The following BRINP3 variants were observed in gnomAD, a reference collection of about 807,000 sequenced individuals.
BRINP3 encodes the protein BMP/retinoic acid-inducible neural-specific protein 3.
Under a neutral mutation model 71.0 loss-of-function variants are expected in BRINP3, and 19 were observed. The observed-to-expected ratio is 0.27, with a 90% CI of 0.19 to 0.39. BRINP3 has a LOEUF of 0.39. BRINP3 is among the 10% of genes least tolerant of loss of function. BRINP3 has a pLI of 1.00. For synonymous variants in BRINP3, 380 were observed against 337.7 expected, an observed-to-expected ratio of 1.13 and a Z score of -1.37; for missense variants, 959 against 940.8, an observed-to-expected ratio of 1.02 and a Z score of -0.25.
intron 2 of BRINP3, among the ~76,000 whole-genome samples, chr1:190,300,066 C>T (rs1664561463): frequency 6.6e-6 from 1 of 151,960 alleles, no homozygotes; most frequent in African/African-American, 2.4e-5. Context: ...TTGTGGCGTT[C>T]TCTGTATTTC....
At chr1:190,277,113 A>ATATATATATATATATTTATATT (rs746851050) in intron 3 of BRINP3, among the ~76,000 whole-genome samples, 1 of 107,486 alleles carries the variant, frequency 9.3e-6, no homozygotes, top group African/African-American at 3.4e-5. Flanking sequence ...ATATATATAT[A>ATATATATATATATATTTATATT]TATATTTATA....
chr1:190,179,387 C>T (rs1334730543), intron 6 of BRINP3, among the ~76,000 whole-genome samples: 1 of 152,020 alleles, frequency 6.6e-6, no homozygotes, highest in African/African-American at 2.4e-5. Context: ...TACTAGTAGG[C>T]AATTAACACT....
intron 6 of BRINP3, among the ~76,000 whole-genome samples, chr1:190,174,411 C>T (rs748180561): frequency 6.6e-5 from 10 of 151,862 alleles, no homozygotes; most frequent in East Asian, 1.9e-4. Flanking sequence ...TAGATCCATA[C>T]GTATATATAC....
Position 190,325,067 on chromosome 1 carries a change from A to G in BRINP3, c.237-43317T>C, listed in dbSNP as rs146793972. Reference sequence around the variant, plus strand: ...TATTAAAAACTAAATAATCGGCAGCATAGTAGGACAAATACAAGACAGTTA... The same window carrying G: ...TATTAAAAACTAAATAATCGGCAGCGTAGTAGGACAAATACAAGACAGTTA... On this transcript the variant is annotated intron_variant, in intron 2 of 7. Coordinates refer to ENST00000367462, the MANE Select transcript of BRINP3 (RefSeq NM_199051.3). 3.3e-4 allele frequency among the ~76,000 whole-genome samples: 50 copies of G among 152,090 alleles called. No homozygotes were observed. In the East Asian group the frequency reaches 7.0e-3, roughly 21 times the overall value.
intron 4 of BRINP3, among the ~76,000 whole-genome samples, chr1:190,254,892 T>C (rs1395301850): frequency 1.3e-5 from 2 of 152,198 alleles, no homozygotes; most frequent in African/African-American, 2.4e-5. Context: ...CCATTCAGTA[T>C]GATATTGTCT....
chr1:190,249,864 A>G (rs1659974124), intron 4 of BRINP3, among the ~76,000 whole-genome samples: 1 of 151,916 alleles, frequency 6.6e-6, no homozygotes, highest in Non-Finnish European at 1.5e-5. Context: ...CAAAACCTCT[A>G]AATTTAAAAG....
chr1:190,283,829 G>T (rs1431828285), intron 2 of BRINP3, among the ~76,000 whole-genome samples: 1 of 151,416 alleles, frequency 6.6e-6, no homozygotes, highest in Non-Finnish European at 1.5e-5. Flanking sequence ...AAAATTTATA[G>T]GCTTATGCTC....
chr1:190,355,011 C>T (rs187478892), intron 2 of BRINP3, among the ~76,000 whole-genome samples: 41 of 151,946 alleles, frequency 2.7e-4, no homozygotes, highest in Middle Eastern at 6.8e-3. Context: ...CCTAGTCTTT[C>T]TAAATTCTTC....
At chr1:190,358,708 A>T (rs1287441035) in intron 2 of BRINP3, among the ~76,000 whole-genome samples, 1 of 152,092 alleles carries the variant, frequency 6.6e-6, no homozygotes, top group Middle Eastern at 3.2e-3. Flanking sequence ...AAGACACATG[A>T]CACGTATGCT....
At chr1:190,312,534 C>T (rs1490788242) in intron 2 of BRINP3, among the ~76,000 whole-genome samples, 2 of 151,610 alleles carry the variant, frequency 1.3e-5, no homozygotes, top group Admixed American at 6.6e-5. Context: ...AGTTATATTA[C>T]AAGTTGTCTT....
chr1:190,323,715 C>T (rs922029635), intron 2 of BRINP3, among the ~76,000 whole-genome samples: 2 of 151,640 alleles, frequency 1.3e-5, no homozygotes, highest in African/African-American at 4.8e-5. Context: ...GCAAGACAAA[C>T]ATGACAAGCA....
chr1:190,366,601 C>T (rs756414833), intron 2 of BRINP3, among the ~76,000 whole-genome samples: 8 of 152,088 alleles, frequency 5.3e-5, no homozygotes, highest in Admixed American at 2.0e-4. Context: ...ACCATTAACT[C>T]GAAAGTCCTA....
At chr1:190,448,214 A>T (rs527258956) in intron 2 of BRINP3, among the ~76,000 whole-genome samples, 14 of 151,814 alleles carry the variant, frequency 9.2e-5, no homozygotes, top group African/African-American at 2.9e-4. Flanking sequence ...TTAAATTTGT[A>T]TTCTTAATAT....
At chr1:190,320,686 C>A (rs976066888) in intron 2 of BRINP3, among the ~76,000 whole-genome samples, 1 of 151,974 alleles carries the variant, frequency 6.6e-6, no homozygotes, top group East Asian at 1.9e-4. Flanking sequence ...AACACACACA[C>A]ACACACTCAC....
At chr1:190,141,697 T>G (rs1655463987) in intron 7 of BRINP3, among the ~76,000 whole-genome samples, 1 of 151,038 alleles carries the variant, frequency 6.6e-6, no homozygotes, top group Non-Finnish European at 1.5e-5. Flanking sequence ...AGTAGCTGGG[T>G]TACAGGCGTG....
intron 2 of BRINP3, among the ~76,000 whole-genome samples, chr1:190,301,217 A>G (rs1255537847): frequency 3.9e-4 from 28 of 71,786 alleles, no homozygotes; most frequent in Non-Finnish European, 1.9e-4. Context: ...ATATATATAT[A>G]TATATATATA....
At chr1:190,203,441 ATG>A (rs1219429142) in intron 6 of BRINP3, among the ~76,000 whole-genome samples, 4 of 142,952 alleles carry the variant, frequency 2.8e-5, no homozygotes, top group Admixed American at 1.4e-4. Flanking sequence ...ATATATATGT[ATG>A]TGTGTGTGTA....
chr1:190,285,710 AG>A (rs1055294749), intron 2 of BRINP3, among the ~76,000 whole-genome samples: 2 of 151,942 alleles, frequency 1.3e-5, no homozygotes, highest in African/African-American at 2.4e-5. Context: ...TTGGAATCTA[AG>A]GGGTGAGGGT....
At chr1:190,352,494 GTATTATC>G (rs1471999660) in intron 2 of BRINP3, among the ~76,000 whole-genome samples, 1 of 151,880 alleles carries the variant, frequency 6.6e-6, no homozygotes, top group Non-Finnish European at 1.5e-5. Flanking sequence ...AGGAATCTAG[GTATTATC>G]TATCATGAGA....
Sources: allele counts gnomAD v4.1 joint callset (sites outside exome capture counted in the v4.1 genomes callset), GRCh38; gene constraint gnomAD v4.1.1; transcripts MANE v1.5; gene names NCBI Gene and HGNC (gene_info 2026-07-23, HGNC 2026-07-21).